The following RBFOX1 variants were observed in gnomAD, a reference collection of about 807,000 sequenced individuals.
RBFOX1 encodes RNA binding protein fox-1 homolog 1.
A neutral mutation model predicts 57.7 loss-of-function variants in RBFOX1; 8 were observed. The ratio of observed to expected loss-of-function variants is 0.14; its 90% CI spans 0.08 to 0.25. The LOEUF (loss-of-function observed/expected upper bound fraction) is 0.25, where lower values mean the gene tolerates loss of function less well. Ranked by LOEUF, RBFOX1 falls within the 10% of genes least tolerant of loss-of-function variation. The pLI is 1.00. For missense variants in RBFOX1, 611 were observed against 548.5 expected (o/e 1.11, Z -1.14); for synonymous variants, 326 against 222.4 (o/e 1.47, Z -4.15).
chr16:5,797,077 G>C (rs1466047950), intron 3 of RBFOX1, among the ~76,000 whole-genome samples: 1 of 152,186 alleles, frequency 6.6e-6, no homozygotes, highest in African/African-American at 2.4e-5. Flanking sequence ...GATCAAGACT[G>C]GTAGATGGGG....
intron 4 of RBFOX1, among the ~76,000 whole-genome samples, chr16:7,073,511 C>A (rs1022555426): frequency 6.6e-6 from 1 of 152,068 alleles, no homozygotes; most frequent in African/African-American, 2.4e-5. Context: ...GTATTGAAAT[C>A]CACACAATTG....
chr16:5,827,456 T>C (rs1184846669), intron 3 of RBFOX1, among the ~76,000 whole-genome samples: 1 of 151,438 alleles, frequency 6.6e-6, no homozygotes, highest in African/African-American at 2.4e-5. Context: ...ACTCATATTC[T>C]ACTTCTACAC....
intron 3 of RBFOX1, among the ~76,000 whole-genome samples, chr16:7,035,143 G>C (rs77097414): frequency 0.089 from 13,575 of 151,700 alleles, 995 homozygotes; most frequent in East Asian, 0.32. Context: ...CCGCTGCACC[G>C]GGCCTCTGAG....
intron 4 of RBFOX1, among the ~76,000 whole-genome samples, chr16:7,438,203 G>T (rs931913148): frequency 6.6e-6 from 1 of 152,080 alleles, no homozygotes; most frequent in Admixed American, 6.6e-5. Flanking sequence ...TACTAACCAG[G>T]GTACAGTGGC....
At chr16:6,788,237 A>G (rs994001104) in intron 3 of RBFOX1, among the ~76,000 whole-genome samples, 1 of 152,016 alleles carries the variant, frequency 6.6e-6, no homozygotes. Context: ...TAATAATAAT[A>G]AAATAAGCCA....
intron 4 of RBFOX1, among the ~76,000 whole-genome samples, chr16:7,419,898 A>G (rs58291197): frequency 0.037 from 5,554 of 149,748 alleles, 349 homozygotes; most frequent in African/African-American, 0.13. Flanking sequence ...GCATTGACCT[A>G]AAAGGATCTG....
intron 3 of RBFOX1, among the ~76,000 whole-genome samples, chr16:6,968,241 A>T (rs1240792809): frequency 1.3e-5 from 2 of 152,144 alleles, no homozygotes; most frequent in Non-Finnish European, 2.9e-5. Flanking sequence ...GGTGCCTTTA[A>T]CTCAGCAAAG....
chr16:6,928,064 C>T (rs1005828762), intron 3 of RBFOX1, among the ~76,000 whole-genome samples: 1 of 152,122 alleles, frequency 6.6e-6, no homozygotes, highest in Non-Finnish European at 1.5e-5. Flanking sequence ...GGTTGAAGCC[C>T]CAGATGACTG....
chr16:7,323,228 C>T (rs943367717), intron 4 of RBFOX1, among the ~76,000 whole-genome samples: 3 of 152,008 alleles, frequency 2.0e-5, no homozygotes, highest in Non-Finnish European at 2.9e-5. Context: ...GTACCAGACC[C>T]GCCTGGCAAC....
intron 1 of RBFOX1, among the ~76,000 whole-genome samples, chr16:6,053,859 A>G (rs1315075386): frequency 6.6e-6 from 1 of 151,756 alleles, no homozygotes; most frequent in African/African-American, 2.4e-5. Flanking sequence ...GGAGTTCAAG[A>G]CCAGCCTGGC....
At chr16:6,897,801 A>C (rs187133281) in intron 3 of RBFOX1, among the ~76,000 whole-genome samples, 47 of 152,260 alleles carry the variant, frequency 3.1e-4, no homozygotes, top group Admixed American at 2.6e-3. Context: ...CTCAAAAAAT[A>C]AAAAAAGGCT....
intron 3 of RBFOX1, among the ~76,000 whole-genome samples, chr16:5,646,527 G>A (rs569933645): frequency 6.6e-6 from 1 of 152,304 alleles, no homozygotes; most frequent in East Asian, 1.9e-4. Flanking sequence ...TATGTAGGAT[G>A]TGCAGGAGGA....
At chr16:7,429,018 T>G (rs2098652175) in intron 4 of RBFOX1, among the ~76,000 whole-genome samples, 1 of 152,194 alleles carries the variant, frequency 6.6e-6, no homozygotes, top group Non-Finnish European at 1.5e-5. Flanking sequence ...TCCTTGATTC[T>G]ACTGTGAGAC....
chr16:5,965,945 A>T (rs554206351), intron 4 of RBFOX1, among the ~76,000 whole-genome samples: 8 of 152,272 alleles, frequency 5.3e-5, no homozygotes, highest in African/African-American at 1.4e-4. Flanking sequence ...TCTGGATGTT[A>T]TCCACCTGGC....
chr16:6,911,940 C>G (rs1319228347), intron 3 of RBFOX1, among the ~76,000 whole-genome samples: 1 of 152,126 alleles, frequency 6.6e-6, no homozygotes, highest in Non-Finnish European at 1.5e-5. Context: ...TTGGGCAATA[C>G]TTGGTTCACC....
chr16:5,397,051 A>G (rs1314579852), intron 1 of RBFOX1, among the ~76,000 whole-genome samples: 6 of 152,214 alleles, frequency 3.9e-5, no homozygotes, highest in African/African-American at 1.4e-4. Context: ...AGGTCATAAT[A>G]GGCTCTGGGG....
intron 4 of RBFOX1, among the ~76,000 whole-genome samples, chr16:7,109,589 C>T (rs2064264241): frequency 1.3e-5 from 2 of 152,082 alleles, no homozygotes; most frequent in African/African-American, 4.8e-5. Flanking sequence ...GAATTTTGCA[C>T]AACCCAGGGA....
intron 1 of RBFOX1, among the ~76,000 whole-genome samples, chr16:5,439,582 C>T (rs1208315156): frequency 6.6e-6 from 1 of 151,788 alleles, no homozygotes; most frequent in Non-Finnish European, 1.5e-5. Flanking sequence ...AATGAGAAGG[C>T]AGAGAAAGGA....
At chr16:5,474,212 G>A (rs2069239088) in intron 2 of RBFOX1, among the ~76,000 whole-genome samples, 1 of 152,158 alleles carries the variant, frequency 6.6e-6, no homozygotes, top group Admixed American at 6.5e-5. Flanking sequence ...CAAGGTGCTC[G>A]TGAACTTCTA....
Sources: allele counts gnomAD v4.1 joint callset (sites outside exome capture counted in the v4.1 genomes callset), GRCh38; gene constraint gnomAD v4.1.1; transcripts MANE v1.5; gene names NCBI Gene and HGNC (gene_info 2026-07-23, HGNC 2026-07-21).